The following PLCB1 variants were observed in gnomAD, a reference collection of about 807,000 sequenced individuals.
PLCB1 encodes the protein 1-phosphatidylinositol 4,5-bisphosphate phosphodiesterase beta-1.
Under a neutral mutation model 161.8 loss-of-function variants are expected in PLCB1, and 46 were observed. That is an observed-to-expected ratio of 0.28 (90% confidence interval 0.22 to 0.36). PLCB1 has a LOEUF of 0.36. Ranked by LOEUF, PLCB1 falls within the 10% of genes least tolerant of loss-of-function variation. The probability of loss-of-function intolerance (pLI) is 1.00; values close to 1 mark genes in which losing one functional copy is unlikely to be tolerated. For synonymous variants in PLCB1, 517 were observed against 503.7 expected (o/e 1.03, Z -0.35); for missense variants, 1,016 against 1,472.5 (o/e 0.69, Z 5.07).
chr20:8,826,436 A>G (rs1280392421), intron 31 of PLCB1, among the ~76,000 whole-genome samples: 1 of 150,470 alleles, frequency 6.6e-6, no homozygotes, highest in African/African-American at 2.4e-5. Context: ...CAGAGCTTGC[A>G]GTGAGCAGGA....
chr20:8,562,520 G>A (rs186249504), intron 3 of PLCB1, among the ~76,000 whole-genome samples: 17 of 152,214 alleles, frequency 1.1e-4, no homozygotes, highest in African/African-American at 3.9e-4. Flanking sequence ...AGAAGTAACA[G>A]TGCCAAGGCA....
chr20:8,782,020 AT>A (rs2146212503), intron 27 of PLCB1, among the ~76,000 whole-genome samples: 1 of 152,296 alleles, frequency 6.6e-6, no homozygotes, highest in South Asian at 2.1e-4. Flanking sequence ...AGACTTTCAC[AT>A]TCATTTTTTC....
chr20:8,193,383 C>G (rs2051990210), intron 2 of PLCB1, among the ~76,000 whole-genome samples: 1 of 151,138 alleles, frequency 6.6e-6, no homozygotes, highest in Non-Finnish European at 1.5e-5. Flanking sequence ...CCATAGAATA[C>G]TATGCAGCTG....
intron 31 of PLCB1, chr20:8,802,226 C>T: frequency 1.1e-6 from 1 of 923,674 alleles, no homozygotes; most frequent in East Asian, 2.5e-5. Flanking sequence ...GTGTAGCCAT[C>T]CAGTTTTCAG....
chr20:8,193,629 C>T (rs554391668), intron 2 of PLCB1, among the ~76,000 whole-genome samples: 2 of 152,042 alleles, frequency 1.3e-5, no homozygotes, highest in South Asian at 4.1e-4. Context: ...CTCTGTAAAA[C>T]TTTTTATACT....
intron 31 of PLCB1, among the ~76,000 whole-genome samples, chr20:8,828,522 T>G (rs1446455869): frequency 5.3e-5 from 8 of 152,212 alleles, no homozygotes; most frequent in Admixed American, 5.2e-4. Flanking sequence ...TCTCATCTCT[T>G]GAGGATGAGC....
At chr20:8,760,562 TC>T in intron 25 of PLCB1, 102 bp downstream of exon 25, 1 of 718,152 alleles carries the variant, frequency 1.4e-6, no homozygotes, top group South Asian at 2.0e-5. Flanking sequence ...AAAAACAACA[TC>T]ATTAATATTT....
At chr20:8,504,434 A>G (rs569993306) in intron 3 of PLCB1, among the ~76,000 whole-genome samples, 6 of 152,350 alleles carry the variant, frequency 3.9e-5, no homozygotes, top group African/African-American at 1.2e-4. Context: ...AATAGCACTG[A>G]TAAATATTTT....
chr20:8,515,246 G>T (rs929538912), intron 3 of PLCB1, among the ~76,000 whole-genome samples: 3 of 152,128 alleles, frequency 2.0e-5, no homozygotes. Flanking sequence ...CAATTATAGA[G>T]CTGTTTCAGT....
At chr20:8,636,355 C>A (rs1435542404) in intron 4 of PLCB1, among the ~76,000 whole-genome samples, 1 of 152,176 alleles carries the variant, frequency 6.6e-6, no homozygotes, top group Non-Finnish European at 1.5e-5. Context: ...TGTGTCAATA[C>A]ATTGCACTAT....
intron 2 of PLCB1, among the ~76,000 whole-genome samples, chr20:8,152,636 A>G (rs2051520879): frequency 6.6e-6 from 1 of 151,558 alleles, no homozygotes; most frequent in Non-Finnish European, 1.5e-5. Context: ...CTCTCAGAAA[A>G]CAAAAAAAAA....
chr20:8,508,876 A>C (rs1350766121), intron 3 of PLCB1, among the ~76,000 whole-genome samples: 2 of 152,212 alleles, frequency 1.3e-5, no homozygotes, highest in African/African-American at 4.8e-5. Flanking sequence ...TGAAACCAAC[A>C]AAAGATTTTT....
intron 3 of PLCB1, among the ~76,000 whole-genome samples, chr20:8,394,156 A>T (rs2662990): frequency 0.22 from 33,554 of 151,976 alleles, 3,965 homozygotes; most frequent in South Asian, 0.42. Flanking sequence ...TGGCATTTAG[A>T]CAAGCCTAAT....
intron 31 of PLCB1, among the ~76,000 whole-genome samples, chr20:8,799,565 A>C (rs1334178633): frequency 3.3e-5 from 5 of 152,194 alleles, no homozygotes; most frequent in Non-Finnish European, 7.3e-5. Context: ...GAAAATTATC[A>C]AACACACACA....
chr20:8,698,112 T>A (rs889119055), intron 11 of PLCB1, among the ~76,000 whole-genome samples: 2 of 152,242 alleles, frequency 1.3e-5, no homozygotes, highest in African/African-American at 4.8e-5. Context: ...CTTATTTCTA[T>A]GCTTTAACTA....
intron 3 of PLCB1, among the ~76,000 whole-genome samples, chr20:8,432,781 CAAG>C (rs1050708468): frequency 1.2e-3 from 184 of 152,318 alleles, no homozygotes; most frequent in African/African-American, 4.4e-3. Flanking sequence ...ACCAGCCAAA[CAAG>C]GAGGAGAGAG....
chr20:8,262,923 G>A (rs889753158), intron 2 of PLCB1, among the ~76,000 whole-genome samples: 1 of 152,140 alleles, frequency 6.6e-6, no homozygotes, highest in Non-Finnish European at 1.5e-5. Context: ...ACTCCATCAT[G>A]AGGGTCCCCC....
chr20:8,283,624 A>G (rs1188166706), intron 2 of PLCB1, among the ~76,000 whole-genome samples: 1 of 151,816 alleles, frequency 6.6e-6, no homozygotes, highest in Non-Finnish European at 1.5e-5. Flanking sequence ...TGTAACTTAT[A>G]GGTCAAAATA....
At chr20:8,477,552 A>G (rs145813115) in intron 3 of PLCB1, among the ~76,000 whole-genome samples, 140 of 152,310 alleles carry the variant, frequency 9.2e-4, no homozygotes, top group African/African-American at 3.1e-3. Context: ...GAAATTTAGT[A>G]ATTTAGAAAG....
Sources: gnomAD v4.1 joint callset for allele counts (sites outside exome capture counted in the v4.1 genomes callset) on GRCh38, gnomAD v4.1.1 for gene constraint, MANE v1.5 for transcripts, NCBI Gene and HGNC (gene_info 2026-07-23, HGNC 2026-07-21) for gene names.